MYT1L: variants seen among roughly 807,000 people sequenced by gnomAD.
MYT1L encodes the protein myelin transcription factor 1 like, also known as myelin transcription factor 1-like protein.
In MYT1L, 12 loss-of-function variants were observed where a neutral mutation model predicts 126.7. That is an observed-to-expected ratio of 0.09 (90% CI 0.06 to 0.15). MYT1L has a LOEUF of 0.15. Among genes scored for constraint, MYT1L ranks in the 10% least tolerant of loss-of-function variants. MYT1L has a pLI of 1.00. For missense variants in MYT1L, 979 were observed against 1,585.2 expected (o/e 0.62, Z 6.49); for synonymous variants, 541 against 604.2 (o/e 0.90, Z 1.53).
At chr2:2,147,432 C>CAGG (rs968686070) in intron 3 of MYT1L, among the ~76,000 whole-genome samples, 3 of 152,242 alleles carry the variant, frequency 2.0e-5, no homozygotes, top group African/African-American at 7.2e-5. Context: ...AGCACTCAGG[C>CAGG]AGGACTCCAG....
chr2:2,261,618 C>G (rs912461548), intron 2 of MYT1L, among the ~76,000 whole-genome samples: 2 of 152,140 alleles, frequency 1.3e-5, no homozygotes, highest in South Asian at 4.1e-4. Flanking sequence ...GCAAAAAATG[C>G]ATTTATGTTA....
chr2:1,855,633 G>A (rs2043817877), intron 18 of MYT1L, among the ~76,000 whole-genome samples: 1 of 152,158 alleles, frequency 6.6e-6, no homozygotes. Context: ...GATGGTTAAG[G>A]TGTAAACTTG....
chr2:2,313,874 C>T (rs181242992), intron 1 of MYT1L, among the ~76,000 whole-genome samples: 235 of 152,144 alleles, frequency 1.5e-3, no homozygotes, highest in Non-Finnish European at 2.7e-3. Flanking sequence ...TTATAAATAA[C>T]GCTGGGGCCC....
chr2:2,326,189 G>T (rs932671479), intron 1 of MYT1L: 5 of 152,388 alleles, frequency 3.3e-5, no homozygotes, highest in African/African-American at 9.7e-5. Context: ...ACCCTCTGGC[G>T]CCCGCACTCC....
At chr2:2,075,006 C>T (rs2075059201) in intron 3 of MYT1L, among the ~76,000 whole-genome samples, 1 of 152,164 alleles carries the variant, frequency 6.6e-6, no homozygotes, top group African/African-American at 2.4e-5. Flanking sequence ...AAATAAGGCA[C>T]TCTGAAGTGA....
chr2:1,978,006 C>T (rs2060315502), intron 8 of MYT1L, among the ~76,000 whole-genome samples: 1 of 152,064 alleles, frequency 6.6e-6, no homozygotes, highest in Non-Finnish European at 1.5e-5. Flanking sequence ...TGAAAAATAG[C>T]CCACAATTCC....
At chr2:2,161,673 G>A (rs2087950094) in intron 3 of MYT1L, among the ~76,000 whole-genome samples, 1 of 152,212 alleles carries the variant, frequency 6.6e-6, no homozygotes, top group South Asian at 2.1e-4. Flanking sequence ...CCAGCTCCCT[G>A]GGTATGCGGC....
At chr2:2,264,108 A>G (rs2095061120) in intron 2 of MYT1L, among the ~76,000 whole-genome samples, 1 of 152,170 alleles carries the variant, frequency 6.6e-6, no homozygotes, top group African/African-American at 2.4e-5. Context: ...TAGAATTTGA[A>G]CCTTGACTGA....
chr2:2,075,290 T>C (rs1174456599), intron 3 of MYT1L, among the ~76,000 whole-genome samples: 2 of 152,214 alleles, frequency 1.3e-5, no homozygotes, highest in African/African-American at 4.8e-5. Flanking sequence ...TCTACCCTTT[T>C]GTGGGTCTTT....
At chr2:1,976,764 G>T (rs950651478) in intron 8 of MYT1L, among the ~76,000 whole-genome samples, 1 of 152,194 alleles carries the variant, frequency 6.6e-6, no homozygotes. Flanking sequence ...TTAAGTTTAA[G>T]AAATTAAAAT....
intron 1 of MYT1L, among the ~76,000 whole-genome samples, chr2:2,291,312 T>G (rs1302089384): frequency 6.6e-6 from 1 of 152,156 alleles, no homozygotes; most frequent in African/African-American, 2.4e-5. Flanking sequence ...CTTTATGATA[T>G]AAAATGAAAA....
chr2:2,199,771 G>A (rs1429557092), intron 2 of MYT1L, among the ~76,000 whole-genome samples: 1 of 152,132 alleles, frequency 6.6e-6, no homozygotes, highest in African/African-American at 2.4e-5. Flanking sequence ...TTTCCTCCAA[G>A]GGACTGTTCA....
rs764925496 is a variant in MYT1L, at chr2:1,929,574, T to C, written c.506-6311A>G. Among the ~76,000 whole-genome samples, 13 of 152,326 alleles carry C rather than the reference T, an allele frequency of 8.5e-5. No individual in the cohort carries two copies. Among genetic ancestry groups the C allele is most frequent in the Non-Finnish European group, 1.0e-4 (7 of 68,030 alleles). On this transcript the variant is annotated intron_variant, in intron 9 of 24. Transcript: ENST00000647738. The surrounding 1 kb of genome is among the most constrained non-coding windows in gnomAD (Gnocchi z 4.7). Reference sequence around the variant, plus strand: ...TCTGTGTGTCTTATTTCCAGTATCATAGGAAATTTTCAGAATAGTCTGTCC... The same window carrying C: ...TCTGTGTGTCTTATTTCCAGTATCACAGGAAATTTTCAGAATAGTCTGTCC...
intron 1 of MYT1L, among the ~76,000 whole-genome samples, chr2:2,285,799 A>C (rs2095511258): frequency 6.6e-6 from 1 of 152,136 alleles, no homozygotes; most frequent in Non-Finnish European, 1.5e-5. Context: ...CGGCATCATT[A>C]TTTCCCTGTA....
chr2:1,987,876 G>C (rs1574261396), intron 5 of MYT1L, among the ~76,000 whole-genome samples: 1 of 152,182 alleles, frequency 6.6e-6, no homozygotes, highest in East Asian at 1.9e-4. Flanking sequence ...GTCCTGGGTA[G>C]ATACTGGAAC....
intron 1 of MYT1L, among the ~76,000 whole-genome samples, chr2:2,300,713 C>T (rs2095769070): frequency 6.6e-6 from 1 of 152,148 alleles, no homozygotes; most frequent in Non-Finnish European, 1.5e-5. Flanking sequence ...GGGAAGTGGA[C>T]GTTCTCAAAT....
chr2:1,897,450 CTTTT>C lies in MYT1L; in HGVS notation c.2033-5167_2033-5164del, dbSNP rs35167347. 6.1e-5 allele frequency among the ~76,000 whole-genome samples: 9 copies of C among 147,794 alleles called. No homozygotes were observed. In the South Asian group the frequency reaches 8.7e-4, roughly 14 times the overall value. ...TTTCTTTTTCTTTTCGCAAACAAAA[CTTTT>C]TTTTTTTTTGTTTGTTTGTTTGTTT... On this transcript the variant is annotated intron_variant, in intron 14 of 24. Transcript: ENST00000647738.
chr2:1,814,740 C>G (rs766873641), intron 21 of MYT1L, among the ~76,000 whole-genome samples: 13 of 152,178 alleles, frequency 8.5e-5, no homozygotes, highest in Non-Finnish European at 1.6e-4. Context: ...CTTTTTCCCA[C>G]AGTGCACTAA....
chr2:1,874,743 T>G (rs2046685511), intron 18 of MYT1L, among the ~76,000 whole-genome samples: 1 of 152,202 alleles, frequency 6.6e-6, no homozygotes, highest in Non-Finnish European at 1.5e-5. Flanking sequence ...TGATCCCACT[T>G]GCAGGCAACT....
Sources: gnomAD v4.1 joint callset for allele counts (sites outside exome capture counted in the v4.1 genomes callset) on GRCh38, gnomAD v4.1.1 for gene constraint, Gnocchi (gnomAD v3.1) non-coding constraint, MANE v1.5 for transcripts, NCBI Gene and HGNC (gene_info 2026-07-23, HGNC 2026-07-21) for gene names.